AASS: variants seen among roughly 807,000 people sequenced by gnomAD.
AASS encodes the protein alpha-aminoadipic semialdehyde synthase, mitochondrial.
Under a neutral mutation model 105.4 loss-of-function variants are expected in AASS, and 86 were observed. The observed-to-expected ratio is 0.82, with a 90% CI of 0.69 to 0.98. AASS has a LOEUF of 0.98. Among genes scored for constraint, AASS ranks in the 50% least tolerant of loss-of-function variants. The pLI, the probability that AASS is intolerant of heterozygous loss-of-function variation, is 0.00. For missense variants in AASS, 1,048 were observed against 1,143.2 expected (o/e 0.92, Z 1.20); for synonymous variants, 381 against 394.8 (o/e 0.96, Z 0.41).
chr7:122,105,255 A>C (rs1435349713), intron 11 of AASS, among the ~76,000 whole-genome samples: 1 of 152,094 alleles, frequency 6.6e-6, no homozygotes, highest in Non-Finnish European at 1.5e-5. Flanking sequence ...ATGAAGGTAA[A>C]AAATAGATAC....
At chr7:122,132,881 T>C (rs544470444) in intron 2 of AASS, among the ~76,000 whole-genome samples, 1 of 152,136 alleles carries the variant, frequency 6.6e-6, no homozygotes, top group South Asian at 2.1e-4. Context: ...AATAATAAAA[T>C]GCAATAAAGC....
rs554640212 is a variant in AASS, at chr7:122,076,005, T to C, written c.*484A>G. 6 of 156,290 alleles carry C rather than the reference T, an allele frequency of 3.8e-5. No homozygotes were observed. The South Asian group carries it at 5.7e-4, about 15-fold the overall frequency. 9.7% of individuals were successfully genotyped at this position (156,290 alleles called of 1,614,324 possible). On this transcript the variant is annotated 3_prime_UTR_variant, in exon 24 of 24. Coordinates refer to ENST00000417368, the MANE Select transcript of AASS (RefSeq NM_005763.4). ...GGCTAACATGGTGAAACCCCGTCTCTACTGAAAAATACAAAAAATTTAGCC... is the reference window on the plus strand; with the variant it reads ...GGCTAACATGGTGAAACCCCGTCTCCACTGAAAAATACAAAAAATTTAGCC...
At chr7:122,093,027 T>C in intron 16 of AASS, 21 bp downstream of exon 16, 3 of 1,611,998 alleles carry the variant, frequency 1.9e-6, no homozygotes, top group Non-Finnish European at 2.5e-6. Flanking sequence ...ACTCAGTTTG[T>C]TTAAAATGAT....
rs779480047 is a variant in AASS, at chr7:122,101,649, C to T, written c.1310G>A (p.Ser437Asn). 1.2e-6 allele frequency: 2 copies of T among 1,611,542 alleles called. No individual in the cohort carries two copies. Among genetic ancestry groups the T allele is most frequent in the Non-Finnish European group, 1.7e-6 (2 of 1,178,422 alleles). ...TCTCACCACAGGAGAAAAATTCTGACTTTCAAGAGGCTGTGTCGCGTCTGA... is the reference window on the plus strand; with the variant it reads ...TCTCACCACAGGAGAAAAATTCTGATTTTCAAGAGGCTGTGTCGCGTCTGA... ...ILSDATQPLE[S>N]QNFSPVVRDA... The change falls in exon 12 of 24, where the codon AGT (serine) becomes AAT (asparagine). Residue 437 changes from serine to asparagine, a missense_variant. By Grantham distance (46) the Ser-to-Asn change is conservative (BLOSUM62 1). Coordinates refer to ENST00000417368, the MANE Select transcript of AASS (RefSeq NM_005763.4).
At chr7:122,118,829 A>G (rs1054964431) in intron 4 of AASS, among the ~76,000 whole-genome samples, 199 bp from the exon 5 acceptor site, 2 of 152,068 alleles carry the variant, frequency 1.3e-5, no homozygotes, top group Admixed American at 1.3e-4. Flanking sequence ...ATCCCCACCT[A>G]TTCCTTCCAC....
chr7:122,078,595 G>A (rs1028330813), intron 22 of AASS, among the ~76,000 whole-genome samples: 7 of 152,122 alleles, frequency 4.6e-5, no homozygotes, highest in Admixed American at 1.3e-4. Context: ...TGGTGATAGC[G>A]TGAGACACCG....
intron 11 of AASS, among the ~76,000 whole-genome samples, chr7:122,104,917 C>T (rs1161173931): frequency 3.3e-5 from 5 of 151,678 alleles, no homozygotes; most frequent in South Asian, 4.2e-4. Flanking sequence ...CATGTACCCC[C>T]GAACCTAAAA....
intron 11 of AASS, among the ~76,000 whole-genome samples, chr7:122,108,043 A>T (rs982484009): frequency 4.6e-5 from 7 of 151,930 alleles, no homozygotes; most frequent in African/African-American, 1.7e-4. Context: ...ATGAACAATG[A>T]TATGCCAAAA....
In AASS at chr7:122,093,135, G is replaced by A; in HGVS notation, c.1679C>T (p.Pro560Leu). 6.2e-7 allele frequency: 1 copy of A among 1,613,842 alleles called. No individual in the cohort carries two copies. The highest frequency in any genetic ancestry group is 8.5e-7 in the Non-Finnish European group (1 of 1,179,798). ...TGTGATGCAGGCCTTGGCCACAAGA[G>A]GGTGCAATACATAAGGCAACAAGCT... ...VISLLPYVLH[P>L]LVAKACITNK... The change falls in exon 16 of 24, where the codon CCT (proline) becomes CTT (leucine). Residue 560 changes from proline (P) to leucine (L), a missense_variant. Transcript: ENST00000417368.
intron 2 of AASS, among the ~76,000 whole-genome samples, chr7:122,131,033 C>CAAAAAAAAAAAAAAA: frequency 1.1e-5 from 1 of 88,518 alleles, no homozygotes. Flanking sequence ...TTTATTTTTG[C>CAAAAAAAAAAAAAAA]AAAAAAAAAA....
At chr7:122,076,760 T>C (rs1793032837) in intron 23 of AASS, among the ~76,000 whole-genome samples, 153 bp from the exon 24 acceptor site, 1 of 152,184 alleles carries the variant, frequency 6.6e-6, no homozygotes, top group Non-Finnish European at 1.5e-5. Flanking sequence ...CGTCCCTTAG[T>C]AAATTATTAC....
intron 4 of AASS, among the ~76,000 whole-genome samples, chr7:122,121,067 GT>G (rs1171895574): frequency 6.6e-6 from 1 of 151,544 alleles, no homozygotes; most frequent in South Asian, 2.1e-4. Context: ...TTTGTACTTT[GT>G]TTTTTTAATG....
Position 122,091,802 on chromosome 7 carries a change from AG to A in AASS, c.1916del (p.Pro639LeufsTer8). 6.2e-7 allele frequency: 1 copy of A among 1,601,588 alleles called. No homozygotes were observed. Among genetic ancestry groups the A allele is most frequent in the East Asian group, 2.3e-5 (1 of 43,460 alleles). ...YISYCGGLPA[P>X]EHSNNPLRYK... is the part of the protein sequence containing the mutation. ...ATCTCAATGGATTGTTTGAATGTTC[AG>A]GGGCTGGAAGCCCACCACAGTAGGA... On this transcript the variant is annotated frameshift_variant, in exon 18 of 24. Coordinates refer to ENST00000417368, the MANE Select transcript of AASS (RefSeq NM_005763.4). LOFTEE classifies it high-confidence loss of function.
At chr7:122,077,602 C>T (rs1334074262) in intron 23 of AASS, among the ~76,000 whole-genome samples, 2 of 152,136 alleles carry the variant, frequency 1.3e-5, no homozygotes, top group East Asian at 3.8e-4. Context: ...AACTTGCAGC[C>T]CATCACTCAG....
At chr7:122,108,215 T>C (rs1794760452) in intron 11 of AASS, among the ~76,000 whole-genome samples, 1 of 152,218 alleles carries the variant, frequency 6.6e-6, no homozygotes, top group South Asian at 2.1e-4. Context: ...CAGGGCCTGA[T>C]GGTTTCACTA....
At chr7:122,078,828 T>C in intron 22 of AASS, 34 bp downstream of exon 22, 9 of 1,572,256 alleles carry the variant, frequency 5.7e-6, no homozygotes, top group Non-Finnish European at 7.9e-6. Context: ...ATGATTCTTC[T>C]TTAGGTATAT....
At chr7:122,114,978 C>A in intron 9 of AASS, 96 bp downstream of exon 9, 2 of 1,522,502 alleles carry the variant, frequency 1.3e-6, no homozygotes, top group Non-Finnish European at 9.1e-7. Context: ...GAGAAGTAGT[C>A]ATTAGAAATC....
chr7:122,122,452 C>T (rs62472934), intron 4 of AASS, among the ~76,000 whole-genome samples: 24,583 of 152,100 alleles, frequency 0.16, 2,143 homozygotes, highest in South Asian at 0.28. Flanking sequence ...CAAACAATTG[C>T]CTATTAGAAC....
intron 2 of AASS, 59 bp downstream of exon 2, chr7:122,133,458 C>T (rs1795999015): frequency 4.5e-6 from 7 of 1,560,376 alleles, no homozygotes; most frequent in African/African-American, 1.4e-5. Context: ...CTCAGATGCT[C>T]CTTAATTTTC....
Sources: allele counts gnomAD v4.1 joint callset (sites outside exome capture counted in the v4.1 genomes callset), GRCh38; gene constraint gnomAD v4.1.1; transcripts MANE v1.5; gene names NCBI Gene and HGNC (gene_info 2026-07-23, HGNC 2026-07-21).